The following NIPBL variants were observed in gnomAD, a reference collection of about 807,000 sequenced individuals.
The protein encoded by NIPBL is nipped-B-like protein.
NIPBL carries 19 observed loss-of-function variants against 321.8 expected under a neutral mutation model. That is an observed-to-expected ratio of 0.06 (90% CI 0.04 to 0.09). The LOEUF (loss-of-function observed/expected upper bound fraction) is 0.09. Ranked by LOEUF, NIPBL falls within the 10% of genes least tolerant of loss-of-function variation. The pLI, the probability that NIPBL is intolerant of heterozygous loss-of-function variation, is 1.00. For missense variants in NIPBL, 2,210 were observed against 3,327.0 expected, an observed-to-expected ratio of 0.66 and a Z score of 8.26; for synonymous variants, 1,106 against 1,114.1, an observed-to-expected ratio of 0.99 and a Z score of 0.14.
chr5:36,994,123 A>G (rs976942039), intron 10 of NIPBL, among the ~76,000 whole-genome samples: 1 of 152,172 alleles, frequency 6.6e-6, no homozygotes, highest in Admixed American at 6.5e-5. Context: ...ATTCTAAAAA[A>G]GAGGGCCCTC....
chr5:36,933,600 G>T (rs1248953805), intron 1 of NIPBL, among the ~76,000 whole-genome samples: 1 of 151,976 alleles, frequency 6.6e-6, no homozygotes, highest in Non-Finnish European at 1.5e-5. Context: ...TCAATCTAAT[G>T]GTAATTTTTG....
At chr5:36,885,614 G>A in intron 1 of NIPBL, 4 of 534,506 alleles carry the variant, frequency 7.5e-6, no homozygotes, top group Non-Finnish European at 1.5e-5. Flanking sequence ...GGATCTGAGG[G>A]CTCAGATCTT....
intron 7 of NIPBL, 106 bp downstream of exon 7, chr5:36,971,142 A>G (rs1484259438): frequency 3.4e-6 from 3 of 895,020 alleles, no homozygotes; most frequent in East Asian, 2.6e-5. Context: ...ATATCATTAT[A>G]CTGGGTACTG....
intron 4 of NIPBL, 140 bp from the exon 5 acceptor site, chr5:36,961,344 G>A (rs766111986): frequency 9.8e-5 from 64 of 655,948 alleles, no homozygotes; most frequent in Middle Eastern, 4.1e-4. Flanking sequence ...GTTTTACAGC[G>A]TCTATATTTT....
At chr5:36,885,403 G>T in intron 1 of NIPBL, 1 of 451,668 alleles carries the variant, frequency 2.2e-6, no homozygotes. Flanking sequence ...TGGCCAAGTG[G>T]ATGGCCCAGG....
chr5:36,954,529 A>T (rs955704464), intron 2 of NIPBL, among the ~76,000 whole-genome samples: 1 of 152,174 alleles, frequency 6.6e-6, no homozygotes, highest in Non-Finnish European at 1.5e-5. Flanking sequence ...TGAAACTGGC[A>T]TTAGTTTTTA....
intron 6 of NIPBL, among the ~76,000 whole-genome samples, chr5:36,966,542 T>A (rs1742225274): frequency 6.6e-6 from 1 of 152,102 alleles, no homozygotes. Flanking sequence ...TACATATTTT[T>A]CCCTTTGCAA....
intron 1 of NIPBL, among the ~76,000 whole-genome samples, chr5:36,951,453 CAA>C (rs1399835331): frequency 6.6e-6 from 1 of 152,094 alleles, no homozygotes; most frequent in Admixed American, 6.5e-5. Flanking sequence ...ATATGAATAA[CAA>C]GATATTTTTG....
chr5:36,927,226 A>G (rs771878251), intron 1 of NIPBL, among the ~76,000 whole-genome samples: 1 of 152,196 alleles, frequency 6.6e-6, no homozygotes, highest in Non-Finnish European at 1.5e-5. Flanking sequence ...AATTTATATA[A>G]CACTTACATA....
chr5:37,030,663 A>AT (rs535761640), intron 32 of NIPBL, among the ~76,000 whole-genome samples: 6 of 150,504 alleles, frequency 4.0e-5, no homozygotes, highest in Admixed American at 1.3e-4. Flanking sequence ...CATTTATTGA[A>AT]TTTTTTTTTA....
chr5:36,948,363 C>T (rs1045850679), intron 1 of NIPBL, among the ~76,000 whole-genome samples: 2 of 151,876 alleles, frequency 1.3e-5, no homozygotes, highest in Non-Finnish European at 2.9e-5. Context: ...TAACCTGATA[C>T]AGCATTTTAA....
intron 3 of NIPBL, among the ~76,000 whole-genome samples, chr5:36,956,185 C>T (rs1186846767): frequency 6.6e-6 from 1 of 151,892 alleles, no homozygotes; most frequent in Non-Finnish European, 1.5e-5. Context: ...GAGCCGAGAT[C>T]ACGCCACTGC....
intron 7 of NIPBL, 121 bp downstream of exon 7, chr5:36,971,157 C>T: frequency 1.2e-6 from 1 of 803,588 alleles, no homozygotes. Flanking sequence ...GTACTGAGTA[C>T]AACATGGCTC....
intron 36 of NIPBL, among the ~76,000 whole-genome samples, chr5:37,044,965 T>C (rs904229909): frequency 7.2e-5 from 11 of 152,220 alleles, no homozygotes; most frequent in African/African-American, 2.7e-4. Context: ...TTTTGCGCAC[T>C]GTGAAAAGTA....
At chr5:36,910,823 G>GT (rs1216957361) in intron 1 of NIPBL, among the ~76,000 whole-genome samples, 3 of 152,148 alleles carry the variant, frequency 2.0e-5, no homozygotes, top group East Asian at 3.8e-4. Flanking sequence ...AGAAGGGAGA[G>GT]TGTTAACAAA....
At chr5:36,908,906 A>G (rs7702256) in intron 1 of NIPBL, among the ~76,000 whole-genome samples, 6,402 of 152,354 alleles carry the variant, frequency 0.042, 460 homozygotes, top group African/African-American at 0.15. Flanking sequence ...TTACATGAAC[A>G]TAACATTTAA....
chr5:37,015,172 G>A lies in NIPBL; in HGVS notation c.4643+407G>A, dbSNP rs976422035. 9.2e-5 allele frequency among the ~76,000 whole-genome samples: 14 copies of A among 151,440 alleles called. 1 individual carries two copies. The East Asian group carries it at 1.4e-3, about 15-fold the overall frequency. On this transcript the variant is annotated intron_variant, in intron 22 of 46. Coordinates refer to ENST00000282516, the MANE Select transcript of NIPBL (RefSeq NM_133433.4). ...GAGTTTCGCTCTTGTTGCCCAGGCT[G>A]GAGTGCAATGGCACGATCTCAGCTA...
chr5:37,004,723 TA>T (rs1215376633), intron 16 of NIPBL, among the ~76,000 whole-genome samples: 3 of 152,190 alleles, frequency 2.0e-5, no homozygotes. Context: ...TCTTTATTTT[TA>T]AAAGCCTGAT....
chr5:37,061,104 T>TCCCCA, intron 45 of NIPBL, 86 bp downstream of exon 45: 1 of 914,168 alleles, frequency 1.1e-6, no homozygotes, highest in Non-Finnish European at 1.8e-6. Flanking sequence ...GATAACTATC[T>TCCCCA]CCTTCACATT....
Sources: gnomAD v4.1 joint callset for allele counts (sites outside exome capture counted in the v4.1 genomes callset) on GRCh38, gnomAD v4.1.1 for gene constraint, MANE v1.5 for transcripts, NCBI Gene and HGNC (gene_info 2026-07-23, HGNC 2026-07-21) for gene names.